ITGAM: variants seen among roughly 807,000 people sequenced by gnomAD.
ITGAM encodes integrin alpha-M.
ITGAM carries 79 observed loss-of-function variants against 137.5 expected under a neutral mutation model. The observed-to-expected ratio is 0.57, with a 90% CI of 0.48 to 0.69. The LOEUF (loss-of-function observed/expected upper bound fraction) is 0.69, where lower values mean the gene tolerates loss of function less well. Among genes scored for constraint, ITGAM ranks in the 30% least tolerant of loss-of-function variants. The pLI is 0.00. For synonymous variants in ITGAM, 583 were observed against 592.3 expected, an observed-to-expected ratio of 0.98 and a Z score of 0.23; for missense variants, 1,343 against 1,483.5, an observed-to-expected ratio of 0.91 and a Z score of 1.56.
At chr16:31,318,231 A>T (rs1188175767) in intron 14 of ITGAM, among the ~76,000 whole-genome samples, 1 of 151,630 alleles carries the variant, frequency 6.6e-6, no homozygotes, top group African/African-American at 2.4e-5. Context: ...TCTCTTAATG[A>T]TCCTTTTTAT....
intron 16 of ITGAM, among the ~76,000 whole-genome samples, chr16:31,322,976 G>C (rs561075462): frequency 6.6e-6 from 1 of 152,250 alleles, no homozygotes; most frequent in South Asian, 2.1e-4. Context: ...AGATGTGTGG[G>C]ATATGGTGAA....
intron 12 of ITGAM, among the ~76,000 whole-genome samples, chr16:31,296,607 C>T (rs1036302312): frequency 2.0e-5 from 3 of 152,136 alleles, no homozygotes; most frequent in Non-Finnish European, 2.9e-5. Context: ...GTTGCAGAGC[C>T]GTGGCATGAT....
At chr16:31,304,672 C>T (rs1418208846) in intron 14 of ITGAM, among the ~76,000 whole-genome samples, 1 of 152,148 alleles carries the variant, frequency 6.6e-6, no homozygotes, top group East Asian at 1.9e-4. Context: ...CATTCTTCTA[C>T]ATGTGATTTG....
intron 14 of ITGAM, among the ~76,000 whole-genome samples, chr16:31,315,053 T>C (rs937452848): frequency 2.6e-5 from 4 of 152,132 alleles, no homozygotes; most frequent in African/African-American, 9.7e-5. Flanking sequence ...TCTCAAGTGA[T>C]TCACCTGCCT....
In ITGAM at chr16:31,324,644, C is replaced by T. The variant is rs1188525158; in HGVS notation, c.2158-7C>T. On this transcript the variant is annotated splice_region_variant and splice_polypyrimidine_tract_variant and intron_variant, in intron 17 of 29. Transcript: ENST00000544665. This position sits in a 1 kb window ranked among gnomAD's most constrained non-coding sequence, Gnocchi z 4.5. ...GGGCAGATCCCCAAATCCCGGCTATCTCTTAGAATTGCATCGAGGACCCAG... is the reference window on the plus strand; with the variant it reads ...GGGCAGATCCCCAAATCCCGGCTATTTCTTAGAATTGCATCGAGGACCCAG... 6.2e-7 allele frequency: 1 copy of T among 1,605,392 alleles called. No individual in the cohort carries two copies. Among genetic ancestry groups the T allele is most frequent in the African/African-American group, 1.3e-5 (1 of 74,760 alleles).
intron 8 of ITGAM, among the ~76,000 whole-genome samples, chr16:31,274,103 C>A (rs529510209): frequency 6.6e-6 from 1 of 152,194 alleles, no homozygotes; most frequent in Non-Finnish European, 1.5e-5. Context: ...CAACATCTTT[C>A]GCTGATGCTA....
chr16:31,303,212 T>C (rs985718980), intron 14 of ITGAM, among the ~76,000 whole-genome samples: 4 of 151,772 alleles, frequency 2.6e-5, no homozygotes, highest in African/African-American at 9.7e-5. Flanking sequence ...TTTCAATTTT[T>C]TGTAGAGATG....
chr16:31,325,292 G>A lies in ITGAM; in HGVS notation c.2393G>A (p.Arg798Gln), dbSNP rs752790664. The change falls in exon 20 of 30, where the codon CGG (arginine) becomes CAG (glutamine). Residue 798 changes from arginine to glutamine, a missense_variant. By Grantham distance (43) the Arg-to-Gln change is conservative. Coordinates refer to ENST00000544665, the MANE Select transcript of ITGAM (RefSeq NM_000632.4). ...SLDCLVVGGP[R>Q]EFNVTVTVRN... is the part of the protein sequence containing the mutation. ...GACTGCCTCGTGGTGGGTGGGCCCC[G>A]GGAGTTCAACGTGACAGTGACTGTG... 5.0e-6 allele frequency: 8 copies of A among 1,613,470 alleles called. No homozygotes were observed. Among genetic ancestry groups the A allele is most frequent in the South Asian group, 4.4e-5 (4 of 91,048 alleles).
intron 14 of ITGAM, among the ~76,000 whole-genome samples, chr16:31,315,965 C>T (rs1210755781): frequency 6.6e-6 from 1 of 151,202 alleles, no homozygotes; most frequent in African/African-American, 2.4e-5. Flanking sequence ...AAGGCTGAGG[C>T]GGGTGGATCA....
Position 31,265,419 on chromosome 16 carries a change from G to A in ITGAM, c.159G>A (p.Glu53=). ...GSRVVVGAPQ[E]IVAANQRGSL... is the part of the protein sequence containing the mutation. ...GGGTGGTGGTTGGAGCCCCCCAGGA[G>A]ATAGTGGCTGCCAACCAAAGGGGCA... The change falls in exon 3 of 30, where the codon GAG becomes GAA. Residue 53 remains glutamate (E), a synonymous_variant. Coordinates refer to ENST00000544665, the MANE Select transcript of ITGAM (RefSeq NM_000632.4). The A allele has an allele frequency of 6.2e-7, 1 of 1,606,252 alleles. No homozygotes were observed. Among genetic ancestry groups the A allele is most frequent in the Non-Finnish European group, 8.5e-7 (1 of 1,176,722 alleles).
chr16:31,288,817 AG>A (rs1450136042), intron 12 of ITGAM, among the ~76,000 whole-genome samples: 5 of 152,212 alleles, frequency 3.3e-5, no homozygotes, highest in Non-Finnish European at 5.9e-5. Context: ...CAGAGTGAAC[AG>A]GCAACCTACA....
chr16:31,292,746 G>A (rs1334667108), intron 12 of ITGAM, among the ~76,000 whole-genome samples: 2 of 152,070 alleles, frequency 1.3e-5, no homozygotes, highest in Non-Finnish European at 2.9e-5. Context: ...TGTCTTTATG[G>A]TAGGATGATA....
intron 23 of ITGAM, chr16:31,329,017 C>T: frequency 1.6e-6 from 1 of 623,390 alleles, no homozygotes; most frequent in Non-Finnish European, 2.9e-6. Flanking sequence ...TGCATTTGTG[C>T]ACGTGTGTGT....
At chr16:31,290,245 G>C (rs1390227336) in intron 12 of ITGAM, among the ~76,000 whole-genome samples, 2 of 152,084 alleles carry the variant, frequency 1.3e-5, no homozygotes, top group African/African-American at 4.8e-5. Context: ...CCAGGGGCTG[G>C]GGGTTGGACT....
intron 14 of ITGAM, among the ~76,000 whole-genome samples, chr16:31,312,247 G>A (rs567566271): frequency 6.6e-6 from 1 of 151,726 alleles, no homozygotes; most frequent in African/African-American, 2.4e-5. Flanking sequence ...TAACAAACCT[G>A]CACGTTGTGC....
At chr16:31,312,735 T>C (rs754862692) in intron 14 of ITGAM, among the ~76,000 whole-genome samples, 22 of 152,056 alleles carry the variant, frequency 1.4e-4, no homozygotes, top group Non-Finnish European at 2.6e-4. Context: ...AGCCGGACTA[T>C]AATTTATTCA....
rs117822528 is a variant in ITGAM at position 31,273,731 on chromosome 16, C to T, written c.858+213C>T. ...TAAAATAATAAGTAAGCCTGTGGGT[C>T]AGCCTGCCAAGAGTTCTGGTCTCAA... is the stretch of plus-strand genomic sequence containing the variant. On this transcript the variant is annotated intron_variant, in intron 8 of 29. Coordinates refer to ENST00000544665, the MANE Select transcript of ITGAM (RefSeq NM_000632.4). 71 of 462,102 alleles carry T rather than the reference C, an allele frequency of 1.5e-4. No homozygotes were observed. In the East Asian group the frequency reaches 2.8e-3, roughly 18 times the overall value. 28.6% of individuals were successfully genotyped at this position (462,102 alleles called of 1,614,324 possible). A position where few individuals can be genotyped will look rare whatever the true frequency, so the allele number is the denominator to read the frequency against.
chr16:31,265,903 G>T (rs1488384646), intron 4 of ITGAM, 22 bp downstream of exon 4: 1 of 1,612,294 alleles, frequency 6.2e-7, no homozygotes, highest in Non-Finnish European at 8.5e-7. Context: ...TCGATCAGAG[G>T]AGCATCCTAA....
chr16:31,294,319 G>A (rs2080112724), intron 12 of ITGAM, among the ~76,000 whole-genome samples: 1 of 152,100 alleles, frequency 6.6e-6, no homozygotes, highest in Non-Finnish European at 1.5e-5. Flanking sequence ...TTTTGTGCTG[G>A]CTTTCAAGGG....
Sources: allele counts gnomAD v4.1 joint callset (sites outside exome capture counted in the v4.1 genomes callset), GRCh38; gene constraint gnomAD v4.1.1; non-coding constraint Gnocchi (gnomAD v3.1); transcripts MANE v1.5; gene names NCBI Gene and HGNC (gene_info 2026-07-23, HGNC 2026-07-21).